Variants in TFEC observed in about 807,000 individuals in gnomAD.
TFEC encodes the protein class E basic helix-loop-helix protein 34.
A neutral mutation model predicts 41.6 loss-of-function variants in TFEC; 31 were observed. The ratio of observed to expected loss-of-function variants is 0.74; its 90% CI spans 0.56 to 1.01. The LOEUF is 1.01. TFEC is among the 50% of genes least tolerant of loss of function. The pLI, the probability that TFEC is intolerant of heterozygous loss-of-function variation, is 0.00. For missense variants in TFEC, 402 were observed against 404.1 expected (o/e 0.99, Z 0.04); for synonymous variants, 143 against 140.6 (o/e 1.02, Z -0.12).
intron 1 of TFEC, among the ~76,000 whole-genome samples, chr7:116,124,464 T>G (rs1798171521): frequency 6.6e-6 from 1 of 152,276 alleles, no homozygotes; most frequent in Admixed American, 6.5e-5. Context: ...AATCAAACTT[T>G]GGCGTATAAT....
chr7:115,942,459 C>A (rs947215225), intron 6 of TFEC, among the ~76,000 whole-genome samples: 2 of 151,948 alleles, frequency 1.3e-5, no homozygotes, highest in Non-Finnish European at 2.9e-5. Context: ...ATGTAGCAAT[C>A]TTTTAACCTA....
At chr7:116,025,154 A>T (rs1795540721) in intron 1 of TFEC, among the ~76,000 whole-genome samples, 1 of 152,184 alleles carries the variant, frequency 6.6e-6, no homozygotes, top group Non-Finnish European at 1.5e-5. Flanking sequence ...AAGGCAAATT[A>T]ACAGTTACTT....
chr7:116,127,933 T>G (rs1424274141), intron 1 of TFEC, among the ~76,000 whole-genome samples: 1 of 152,184 alleles, frequency 6.6e-6, no homozygotes. Flanking sequence ...ACTCTTTTTT[T>G]AATCCATCTA....
chr7:116,020,601 C>A (rs1795359332), intron 1 of TFEC, among the ~76,000 whole-genome samples: 1 of 152,134 alleles, frequency 6.6e-6, no homozygotes, highest in Non-Finnish European at 1.5e-5. Flanking sequence ...CAAAGCAAAG[C>A]TAACATGTTT....
At chr7:116,141,439 T>C (rs1327984148) in intron 1 of TFEC, among the ~76,000 whole-genome samples, 1 of 152,230 alleles carries the variant, frequency 6.6e-6, no homozygotes, top group Non-Finnish European at 1.5e-5. Context: ...CAAGTTATAA[T>C]AGGTGTCTTT....
At chr7:116,018,172 T>C (rs1281958552) in intron 1 of TFEC, among the ~76,000 whole-genome samples, 2 of 152,202 alleles carry the variant, frequency 1.3e-5, no homozygotes, top group East Asian at 3.8e-4. Context: ...CTAGGAACTA[T>C]TACTATCCTG....
chr7:116,011,542 A>G (rs1204279676), intron 1 of TFEC, among the ~76,000 whole-genome samples: 1 of 152,154 alleles, frequency 6.6e-6, no homozygotes, highest in Non-Finnish European at 1.5e-5. Flanking sequence ...AATTCAACAG[A>G]CCAACTGAAT....
intron 1 of TFEC, among the ~76,000 whole-genome samples, chr7:116,016,111 A>G (rs1795180671): frequency 6.6e-6 from 1 of 152,224 alleles, no homozygotes; most frequent in South Asian, 2.1e-4. Flanking sequence ...ACACCATCAC[A>G]AAGCTAATGT....
intron 3 of TFEC, among the ~76,000 whole-genome samples, chr7:116,039,542 T>C (rs1270927551): frequency 2.6e-5 from 4 of 151,816 alleles, no homozygotes; most frequent in African/African-American, 7.3e-5. Flanking sequence ...AGGAGAAAAA[T>C]GTCGTCTTTC....
At chr7:116,136,729 C>T (rs1798440759) in intron 1 of TFEC, among the ~76,000 whole-genome samples, 1 of 151,670 alleles carries the variant, frequency 6.6e-6, no homozygotes, top group African/African-American at 2.4e-5. Flanking sequence ...AATAATTTCT[C>T]AATTTATTTG....
chr7:116,038,168 C>T (rs1795954043), intron 3 of TFEC, among the ~76,000 whole-genome samples: 1 of 151,968 alleles, frequency 6.6e-6, no homozygotes, highest in Non-Finnish European at 1.5e-5. Context: ...TAATTTAATT[C>T]TTCTATAATA....
intron 1 of TFEC, among the ~76,000 whole-genome samples, chr7:116,134,635 T>C (rs1206193826): frequency 6.6e-6 from 1 of 152,166 alleles, no homozygotes; most frequent in Non-Finnish European, 1.5e-5. Flanking sequence ...TTAATAAGAC[T>C]GTGAGCATTG....
In TFEC at chr7:115,937,155, G is replaced by A. The variant is rs1793268785; in HGVS notation, c.*3396C>T. 1 of 151,236 alleles carries A rather than the reference G, an allele frequency of 6.6e-6. No individual in the cohort carries two copies. The highest frequency in any genetic ancestry group is 1.5e-5 in the Non-Finnish European group (1 of 67,626). 9.4% of individuals were successfully genotyped at this position (151,236 alleles called of 1,614,324 possible). A position where few individuals can be genotyped will look rare whatever the true frequency, so the allele number is the denominator to read the frequency against. Reference sequence around the variant, plus strand: ...AAAAAATGATTGGATGGGATATTTTGTTGAAAAAAGAATGAAAAACAATAA... The same window carrying A: ...AAAAAATGATTGGATGGGATATTTTATTGAAAAAAGAATGAAAAACAATAA... On this transcript the variant is annotated 3_prime_UTR_variant, in exon 8 of 8. Coordinates refer to ENST00000265440, the MANE Select transcript of TFEC (RefSeq NM_012252.4).
At chr7:115,994,784 G>T (rs1194131250) in intron 1 of TFEC, among the ~76,000 whole-genome samples, 3 of 152,106 alleles carry the variant, frequency 2.0e-5, no homozygotes, top group Admixed American at 6.6e-5. Flanking sequence ...TGGAAGACAG[G>T]GTGGTGATTC....
intron 3 of TFEC, among the ~76,000 whole-genome samples, chr7:116,059,906 GA>G (rs1584465995): frequency 6.6e-6 from 1 of 151,998 alleles, no homozygotes; most frequent in East Asian, 1.9e-4. Flanking sequence ...ACTAAAATCA[GA>G]AATGACAAAA....
chr7:116,156,910 T>C (rs1350866886), intron 1 of TFEC, among the ~76,000 whole-genome samples: 1 of 152,198 alleles, frequency 6.6e-6, no homozygotes, highest in Non-Finnish European at 1.5e-5. Context: ...TTTTATACTA[T>C]ATGGAAGGCT....
chr7:116,070,080 T>C (rs948396777), intron 3 of TFEC, among the ~76,000 whole-genome samples: 1 of 151,452 alleles, frequency 6.6e-6, no homozygotes, highest in Non-Finnish European at 1.5e-5. Context: ...TTTATGTCTT[T>C]ACATAAATAT....
chr7:116,149,678 A>G lies in TFEC; in HGVS notation c.-69+10112T>C, dbSNP rs60140888. ...AACAGAGATGGAGATATCCTAAAAT[A>G]TTTATTAGCAAATGAAAACCAGCAA... is the stretch of plus-strand genomic sequence containing the variant. On this transcript the variant is annotated intron_variant, in intron 1 of 8. Coordinates refer to the TFEC transcript ENST00000484212. 1.8e-3 allele frequency among the ~76,000 whole-genome samples: 278 copies of G among 152,290 alleles called. 1 individual carries two copies. The highest frequency in any genetic ancestry group is 6.3e-3 in the African/African-American group (263 of 41,574).
chr7:116,047,512 C>T (rs569156386), intron 3 of TFEC, among the ~76,000 whole-genome samples: 15 of 152,226 alleles, frequency 9.9e-5, no homozygotes, highest in African/African-American at 3.6e-4. Context: ...GAAACTAAAA[C>T]TGGGTGGAGC....
Sources: allele counts gnomAD v4.1 joint callset (sites outside exome capture counted in the v4.1 genomes callset), GRCh38; gene constraint gnomAD v4.1.1; transcripts MANE v1.5; gene names NCBI Gene and HGNC (gene_info 2026-07-23, HGNC 2026-07-21).